Variants in ZMIZ1 observed in about 807,000 individuals in gnomAD.
ZMIZ1 encodes zinc finger MIZ domain-containing protein 1.
ZMIZ1 carries 17 observed loss-of-function variants against 113.9 expected under a neutral mutation model. That is an observed-to-expected ratio of 0.15 (90% CI 0.10 to 0.22). The LOEUF (loss-of-function observed/expected upper bound fraction) is 0.22. Ranked by LOEUF, ZMIZ1 falls within the 10% of genes least tolerant of loss-of-function variation. The probability of loss-of-function intolerance (pLI) is 1.00; values close to 1 mark genes in which losing one functional copy is unlikely to be tolerated. For missense variants in ZMIZ1, 1,059 were observed against 1,477.8 expected, an observed-to-expected ratio of 0.72 and a Z score of 4.65; for synonymous variants, 607 against 603.1, an observed-to-expected ratio of 1.01 and a Z score of -0.09.
rs190476396 is a variant in ZMIZ1 at position 79,147,960 on chromosome 10, G to A, written c.-131+8183G>A. Among the ~76,000 whole-genome samples, 481 of 152,340 alleles carry A rather than the reference G, an allele frequency of 3.2e-3. 2 individuals carry two copies. The highest frequency in any genetic ancestry group is 0.011 in the African/African-American group (469 of 41,574). On this transcript the variant is annotated intron_variant, in intron 3 of 24. Coordinates refer to ENST00000334512, the MANE Select transcript of ZMIZ1 (RefSeq NM_020338.4). ...CACCAGGGGAAGTGGCAGCTGCAGAGTGGGGCCTCCCCAGGCCTTCATCGA... is the reference window on the plus strand; with the variant it reads ...CACCAGGGGAAGTGGCAGCTGCAGAATGGGGCCTCCCCAGGCCTTCATCGA...
At chr10:79,288,470 G>T (rs1853234816) in intron 8 of ZMIZ1, among the ~76,000 whole-genome samples, 1 of 152,170 alleles carries the variant, frequency 6.6e-6, no homozygotes, top group South Asian at 2.1e-4. Context: ...GAGGCATGAG[G>T]CTCTTTCCTG....
rs1466540322 is a variant in ZMIZ1, at chr10:79,285,960, G to A, written c.426-3815G>A. Among the ~76,000 whole-genome samples, 7 of 152,352 alleles carry A rather than the reference G, an allele frequency of 4.6e-5. No individual in the cohort carries two copies. The East Asian group carries it at 1.4e-3, about 29-fold the overall frequency. ...TAGGGAGCAGTTGGCAAATGGAACCGTTGCTGCTGACATTGCAGATGGCTT... is the reference window on the plus strand; with the variant it reads ...TAGGGAGCAGTTGGCAAATGGAACCATTGCTGCTGACATTGCAGATGGCTT... On this transcript the variant is annotated intron_variant, in intron 8 of 24. Transcript: ENST00000334512.
intron 1 of ZMIZ1, among the ~76,000 whole-genome samples, chr10:79,078,035 A>G (rs1404807096): frequency 6.6e-6 from 1 of 152,222 alleles, no homozygotes; most frequent in Non-Finnish European, 1.5e-5. Context: ...TGTAGCACAA[A>G]GGGCTGGCCC....
intron 1 of ZMIZ1, among the ~76,000 whole-genome samples, chr10:79,073,816 G>A (rs1440017289): frequency 6.9e-6 from 1 of 145,712 alleles, no homozygotes; most frequent in African/African-American, 2.5e-5. Flanking sequence ...AAGGGGGTGC[G>A]TGATGAGGGC....
chr10:79,250,696 C>T (rs527932516), intron 7 of ZMIZ1, among the ~76,000 whole-genome samples: 6 of 152,314 alleles, frequency 3.9e-5, no homozygotes, highest in South Asian at 4.1e-4. Context: ...GTCTGTGAGT[C>T]GAGCCATGTT....
At chr10:79,269,070 A>T (rs1443770253) in intron 7 of ZMIZ1, among the ~76,000 whole-genome samples, 2 of 151,948 alleles carry the variant, frequency 1.3e-5, no homozygotes, top group African/African-American at 4.8e-5. Context: ...GGAACTTGCG[A>T]CATGTCAGAG....
intron 8 of ZMIZ1, among the ~76,000 whole-genome samples, chr10:79,278,759 G>T (rs1008070691): frequency 6.6e-6 from 1 of 151,802 alleles, no homozygotes; most frequent in Non-Finnish European, 1.5e-5. Context: ...TTGGGGGTAA[G>T]GTTATAGATT....
At chr10:79,102,682 C>T (rs990987410) in intron 1 of ZMIZ1, among the ~76,000 whole-genome samples, 1 of 152,244 alleles carries the variant, frequency 6.6e-6, no homozygotes, top group Non-Finnish European at 1.5e-5. Flanking sequence ...GGAAGCAGTG[C>T]TGGCCTAGCA....
chr10:79,269,746 C>T (rs886589268), intron 7 of ZMIZ1, among the ~76,000 whole-genome samples: 8 of 152,138 alleles, frequency 5.3e-5, no homozygotes, highest in African/African-American at 1.7e-4. Flanking sequence ...TTCTCACTGT[C>T]CGCACCTCCC....
At chr10:79,212,225 A>T (rs899868549) in intron 6 of ZMIZ1, among the ~76,000 whole-genome samples, 1 of 151,748 alleles carries the variant, frequency 6.6e-6, no homozygotes, top group Non-Finnish European at 1.5e-5. Flanking sequence ...TGGCACGATC[A>T]TTGCTCACTG....
intron 3 of ZMIZ1, among the ~76,000 whole-genome samples, 197 bp from the exon 4 acceptor site, chr10:79,161,854 AGC>A (rs1564689986): frequency 3.2e-5 from 2 of 62,000 alleles, no homozygotes; most frequent in African/African-American, 9.2e-5. Context: ...AGAGTCTGAG[AGC>A]ATATCTGTAA....
intron 7 of ZMIZ1, among the ~76,000 whole-genome samples, chr10:79,258,930 G>T (rs1267538284): frequency 6.6e-6 from 1 of 152,238 alleles, no homozygotes; most frequent in Non-Finnish European, 1.5e-5. Flanking sequence ...GGGGAGGGCA[G>T]AGCCAGCTGC....
chr10:79,185,100 G>T (rs1157300949), intron 4 of ZMIZ1, among the ~76,000 whole-genome samples: 1 of 151,888 alleles, frequency 6.6e-6, no homozygotes, highest in Non-Finnish European at 1.5e-5. Flanking sequence ...TGAAGCCTTG[G>T]CTGTGGATAA....
intron 3 of ZMIZ1, among the ~76,000 whole-genome samples, chr10:79,143,788 C>A (rs1180091168): frequency 8.2e-6 from 1 of 122,330 alleles, no homozygotes; most frequent in African/African-American, 3.2e-5. Context: ...GTGATAGGGG[C>A]TGGGGGGTGG....
chr10:79,279,167 C>T (rs943829199), intron 8 of ZMIZ1, among the ~76,000 whole-genome samples: 24 of 151,484 alleles, frequency 1.6e-4, no homozygotes, highest in South Asian at 2.1e-4. Context: ...ACCTCCCGGA[C>T]GGGGCAGCTG....
chr10:79,227,298 G>A (rs1348510630), intron 7 of ZMIZ1, among the ~76,000 whole-genome samples: 2 of 152,166 alleles, frequency 1.3e-5, no homozygotes, highest in Admixed American at 6.5e-5. Context: ...CCATCTTTGG[G>A]CTCATTCAAC....
intron 19 of ZMIZ1, among the ~76,000 whole-genome samples, chr10:79,304,446 T>A (rs1304150968): frequency 6.6e-6 from 1 of 152,220 alleles, no homozygotes; most frequent in Non-Finnish European, 1.5e-5. Flanking sequence ...CACACACATG[T>A]CAGGGCTGAT....
rs370500012 is a variant in ZMIZ1 at position 79,259,538 on chromosome 10, A to G, written c.281-17643A>G. Among the ~76,000 whole-genome samples, 7 of 152,116 alleles carry G rather than the reference A, an allele frequency of 4.6e-5. No homozygotes were observed. In the East Asian group the frequency reaches 5.8e-4, roughly 13 times the overall value. On this transcript the variant is annotated intron_variant, in intron 7 of 24. Transcript: ENST00000334512. Reference sequence around the variant, plus strand: ...CATTCTTCCATAGGAAAATTTATCAAGTTTCCCTAATGCTTAGTGCTTGTG... The same window carrying G: ...CATTCTTCCATAGGAAAATTTATCAGGTTTCCCTAATGCTTAGTGCTTGTG...
intron 4 of ZMIZ1, among the ~76,000 whole-genome samples, chr10:79,171,459 C>A (rs1291958755): frequency 6.6e-6 from 1 of 152,198 alleles, no homozygotes; most frequent in Non-Finnish European, 1.5e-5. Context: ...CAGGCCTCTG[C>A]GCAAGTCAGC....
Sources: gnomAD v4.1 joint callset for allele counts (sites outside exome capture counted in the v4.1 genomes callset) on GRCh38, gnomAD v4.1.1 for gene constraint, MANE v1.5 for transcripts, NCBI Gene and HGNC (gene_info 2026-07-23, HGNC 2026-07-21) for gene names.